The following ZNRF3 variants were observed in gnomAD, a reference collection of about 807,000 sequenced individuals.
The protein encoded by ZNRF3 is zinc and ring finger 3, also known as E3 ubiquitin-protein ligase ZNRF3.
Under a neutral mutation model 72.5 loss-of-function variants are expected in ZNRF3, and 23 were observed. The observed-to-expected ratio is 0.32, with a 90% confidence interval of 0.23 to 0.45. The LOEUF is 0.45. Among genes scored for constraint, ZNRF3 ranks in the 20% least tolerant of loss-of-function variants. The probability of loss-of-function intolerance (pLI) is 1.00; values close to 1 mark genes in which losing one functional copy is unlikely to be tolerated. For synonymous variants in ZNRF3, 610 were observed against 545.3 expected, an observed-to-expected ratio of 1.12 and a Z score of -1.65; for missense variants, 1,169 against 1,272.1, an observed-to-expected ratio of 0.92 and a Z score of 1.23.
intron 2 of ZNRF3, among the ~76,000 whole-genome samples, chr22:29,017,388 C>T (rs545325407): frequency 7.2e-5 from 11 of 152,242 alleles, no homozygotes; most frequent in South Asian, 6.2e-4. Flanking sequence ...CATCCATTGC[C>T]GTAAATCTTA....
Position 28,993,164 on chromosome 22 carries a change from A to C in ZNRF3, c.426+5963A>C, listed in dbSNP as rs1027377149. ...CTGGGAATGTTCACTTGGCAGTGGC[A>C]TCTATTCTGGTTGGAGAGAGATCAA... On this transcript the variant is annotated intron_variant, in intron 2 of 8. Coordinates refer to ENST00000544604, the MANE Select transcript of ZNRF3 (RefSeq NM_001206998.2). Among the ~76,000 whole-genome samples, 4 of 152,348 alleles carry C rather than the reference A, an allele frequency of 2.6e-5. No homozygotes were observed. In the East Asian group the frequency reaches 5.8e-4, roughly 22 times the overall value.
chr22:28,883,910 G>C lies in ZNRF3; in HGVS notation c.144G>C (p.Ala48=), dbSNP rs1479799495. Reference sequence around the variant, plus strand: ...TGCTCGGGCTGCTGCTGGCGGCCGCGGGGCCCGGCGCGGCGCGGGCCAAGG... The same window carrying C: ...TGCTCGGGCTGCTGCTGGCGGCCGCCGGGCCCGGCGCGGCGCGGGCCAAGG... ...PLLLGLLLAA[A]GPGAARAKET... Residue 48 remains alanine (A), a synonymous_variant, in exon 1 of 9, where the codon GCG becomes GCC. Coordinates refer to ENST00000544604, the MANE Select transcript of ZNRF3 (RefSeq NM_001206998.2). The surrounding 1 kb of genome is among the most constrained non-coding windows in gnomAD (Gnocchi z 5.5). 2 of 1,157,798 alleles carry C rather than the reference G, an allele frequency of 1.7e-6. No individual in the cohort carries two copies. The highest frequency in any genetic ancestry group is 2.2e-6 in the Non-Finnish European group (2 of 927,418). 71.7% of individuals were successfully genotyped at this position (1,157,798 alleles called of 1,614,324 possible).
At chr22:28,948,355 C>T (rs946566032) in intron 1 of ZNRF3, among the ~76,000 whole-genome samples, 5 of 150,852 alleles carry the variant, frequency 3.3e-5, no homozygotes, top group South Asian at 2.1e-4. Flanking sequence ...TTGTAGAGAC[C>T]GAGTCTTGCT....
chr22:29,001,059 C>CTTTTTTTTTCTT (rs2036132822), intron 2 of ZNRF3, among the ~76,000 whole-genome samples: 1 of 77,898 alleles, frequency 1.3e-5, no homozygotes, highest in East Asian at 4.8e-4. Context: ...AAAGCTTTGC[C>CTTTTTTTTTCTT]TTTTTTTTTT....
chr22:28,936,826 C>T (rs535047966), intron 1 of ZNRF3, among the ~76,000 whole-genome samples: 2 of 152,152 alleles, frequency 1.3e-5, no homozygotes, highest in African/African-American at 2.4e-5. Context: ...AAATTCTAGG[C>T]GTCTTCTACA....
intron 1 of ZNRF3, among the ~76,000 whole-genome samples, chr22:28,954,546 TTC>T (rs1422168156): frequency 1.3e-5 from 2 of 152,256 alleles, no homozygotes; most frequent in African/African-American, 4.8e-5. Context: ...TTTAGTGTTT[TTC>T]TTTAAAAGTG....
At chr22:28,968,568 G>T (rs2035515782) in intron 1 of ZNRF3, among the ~76,000 whole-genome samples, 1 of 152,152 alleles carries the variant, frequency 6.6e-6, no homozygotes, top group South Asian at 2.1e-4. Context: ...AATTAGCCGG[G>T]CATGGTGGCA....
At chr22:28,962,242 C>T (rs553771004) in intron 1 of ZNRF3, among the ~76,000 whole-genome samples, 24 of 152,322 alleles carry the variant, frequency 1.6e-4, no homozygotes, top group African/African-American at 5.8e-4. Context: ...GCCATTATTG[C>T]AGAATGTTCT....
intron 1 of ZNRF3, among the ~76,000 whole-genome samples, chr22:28,901,358 A>G (rs1205947672): frequency 1.3e-5 from 2 of 152,166 alleles, no homozygotes; most frequent in Non-Finnish European, 2.9e-5. Context: ...CTGTTGGCTG[A>G]CGTGGCACCT....
rs117536144 is a variant in ZNRF3 at position 28,942,983 on chromosome 22, G to A, written c.301-44093G>A. On this transcript the variant is annotated intron_variant, in intron 1 of 8. Coordinates refer to ENST00000544604, the MANE Select transcript of ZNRF3 (RefSeq NM_001206998.2). ...TTATCACTAATGGCTGCTATTTCCAGAGCTGTGGGCTTTATCTGACCATCT... is the reference window on the plus strand; with the variant it reads ...TTATCACTAATGGCTGCTATTTCCAAAGCTGTGGGCTTTATCTGACCATCT... Among the ~76,000 whole-genome samples the A allele has an allele frequency of 1.6e-3, 240 of 152,298 alleles. No individual in the cohort carries two copies. In the East Asian group the frequency reaches 0.019, roughly 12 times the overall value.
rs1020647495 is a variant in ZNRF3, at chr22:28,918,514, G to A, written c.300+34448G>A. ...TGCGTGTGTGTGTATGCACACGTGT[G>A]TGTATGTGTATCTGCATGTGTGCGT... On this transcript the variant is annotated intron_variant, in intron 1 of 8. Coordinates refer to ENST00000544604, the MANE Select transcript of ZNRF3 (RefSeq NM_001206998.2). Among the ~76,000 whole-genome samples the A allele has an allele frequency of 2.0e-5, 3 of 148,268 alleles. No homozygotes were observed. In the Admixed American group the frequency reaches 2.1e-4, roughly 10 times the overall value.
In ZNRF3 at chr22:29,046,555, A is replaced by G. The variant is rs538634282; in HGVS notation, c.745-161A>G. ...TGGACACCCCACGCGTCTGGAGAATATGTGCTATGGCAGTCTGAGTTCTGA... is the reference window on the plus strand; with the variant it reads ...TGGACACCCCACGCGTCTGGAGAATGTGTGCTATGGCAGTCTGAGTTCTGA... On this transcript the variant is annotated intron_variant, in intron 5 of 8. Transcript: ENST00000544604. Among the ~76,000 whole-genome samples the G allele has an allele frequency of 5.9e-5, 9 of 152,214 alleles. 1 individual carries two copies. The South Asian group carries it at 1.5e-3, about 25-fold the overall frequency.
At chr22:29,020,278 C>A (rs62236877) in intron 2 of ZNRF3, among the ~76,000 whole-genome samples, 1 of 125,520 alleles carries the variant, frequency 8.0e-6, no homozygotes, top group African/African-American at 3.4e-5. Context: ...TTTTTTCCCC[C>A]AAGACAGAGT....
chr22:29,016,296 A>G (rs1385408470), intron 2 of ZNRF3, among the ~76,000 whole-genome samples: 1 of 152,190 alleles, frequency 6.6e-6, no homozygotes, highest in Non-Finnish European at 1.5e-5. Context: ...GGAAGGTGAA[A>G]GCCTAGAGAC....
intron 3 of ZNRF3, 122 bp from the exon 4 acceptor site, chr22:29,043,177 T>G: frequency 1.8e-6 from 2 of 1,138,446 alleles, no homozygotes; most frequent in East Asian, 2.7e-5. Flanking sequence ...AAGGCTGTAA[T>G]GTTGGAAGAG....
Position 29,046,871 on chromosome 22 carries a change from C to T in ZNRF3, c.900C>T (p.Tyr300=). 6.3e-7 allele frequency: 1 copy of T among 1,583,714 alleles called. No individual in the cohort carries two copies. ...ACTGTGCCATCTGTCTGGAGAAGTA[C>T]ATTGATGGAGAGGTAATGGCAGAAG... ...TSDCAICLEK[Y]IDGEELRVIP... Residue 300 remains tyrosine, a synonymous_variant, in exon 6 of 9, where the codon TAC becomes TAT. Coordinates refer to ENST00000544604, the MANE Select transcript of ZNRF3 (RefSeq NM_001206998.2).
chr22:28,991,279 C>CAAAAAAAAAAAAAAAAAAAAA, intron 2 of ZNRF3, among the ~76,000 whole-genome samples: 1 of 51,674 alleles, frequency 1.9e-5, no homozygotes, highest in Non-Finnish European at 3.1e-5. Flanking sequence ...GACCCTCTCT[C>CAAAAAAAAAAAAAAAAAAAAA]AAAAAAAAAA....
chr22:28,902,129 G>A (rs368167886), intron 1 of ZNRF3, among the ~76,000 whole-genome samples: 73 of 151,948 alleles, frequency 4.8e-4, no homozygotes, highest in African/African-American at 1.6e-3. Context: ...TAGAGATGGG[G>A]TTTTACCATG....
intron 2 of ZNRF3, among the ~76,000 whole-genome samples, chr22:29,001,059 CTTTTTTTTTTTTT>C (rs773296494): frequency 5.0e-4 from 39 of 77,956 alleles, no homozygotes; most frequent in Non-Finnish European, 6.7e-4. Context: ...AAAGCTTTGC[CTTTTTTTTTTTTT>C]TTTTTTTTTT....
Sources: gnomAD v4.1 joint callset for allele counts (sites outside exome capture counted in the v4.1 genomes callset) on GRCh38, gnomAD v4.1.1 for gene constraint, Gnocchi (gnomAD v3.1) non-coding constraint, MANE v1.5 for transcripts, NCBI Gene and HGNC (gene_info 2026-07-23, HGNC 2026-07-21) for gene names.